Variants in STOX1 observed in about 807,000 individuals in gnomAD.
STOX1 encodes storkhead-box protein 1.
A neutral mutation model predicts 74.8 loss-of-function variants in STOX1; 57 were observed. That is an observed-to-expected ratio of 0.76 (90% CI 0.62 to 0.95). STOX1 has a LOEUF of 0.95. Among genes scored for constraint, STOX1 ranks in the 40% least tolerant of loss-of-function variants. STOX1 has a pLI of 0.00. For synonymous variants in STOX1, 375 were observed against 401.3 expected, an observed-to-expected ratio of 0.93 and a Z score of 0.78; for missense variants, 1,010 against 1,117.0, an observed-to-expected ratio of 0.90 and a Z score of 1.37.
At position 68,880,839 on chromosome 10, in the gene STOX1, G is replaced by A. The variant is rs1840800288; in HGVS notation, c.311-1119G>A. ...CTCCTGAGTAGCTGGGATTACAGGA[G>A]CCCGCCACCGTGTCCGGCTAATTTT... On this transcript the variant is annotated intron_variant, in intron 1 of 3. Transcript: ENST00000298596. Among the ~76,000 whole-genome samples the A allele has an allele frequency of 2.0e-5, 3 of 152,010 alleles. No homozygotes were observed. In the South Asian group the frequency reaches 6.2e-4, roughly 32 times the overall value.
chr10:68,849,841 A>G (rs2133532898), intron 1 of STOX1, among the ~76,000 whole-genome samples: 1 of 152,340 alleles, frequency 6.6e-6, no homozygotes, highest in East Asian at 1.9e-4. Flanking sequence ...TTTTTATCAC[A>G]GCATTTTTCC....
intron 1 of STOX1, among the ~76,000 whole-genome samples, chr10:68,862,428 C>CA (rs1840286084): frequency 6.6e-6 from 1 of 151,956 alleles, no homozygotes; most frequent in Non-Finnish European, 1.5e-5. Context: ...TGCCCATTAC[C>CA]AACAGAAAAG....
At chr10:68,844,463 A>G (rs1363203752) in intron 1 of STOX1, among the ~76,000 whole-genome samples, 2 of 151,618 alleles carry the variant, frequency 1.3e-5, no homozygotes, top group East Asian at 3.9e-4. Flanking sequence ...TACACCCAGC[A>G]CATTTTTGTA....
chr10:68,859,856 T>C (rs564732282), intron 1 of STOX1, among the ~76,000 whole-genome samples: 3 of 152,114 alleles, frequency 2.0e-5, no homozygotes, highest in Admixed American at 6.5e-5. Context: ...GATGATCTTT[T>C]GACATCATGC....
At chr10:68,843,946 C>T (rs892315498) in intron 1 of STOX1, among the ~76,000 whole-genome samples, 10 of 151,944 alleles carry the variant, frequency 6.6e-5, no homozygotes, top group African/African-American at 2.2e-4. Context: ...TTTGGGAGGC[C>T]GAGGCGGGTG....
intron 1 of STOX1, among the ~76,000 whole-genome samples, chr10:68,861,715 T>C (rs1458297740): frequency 6.6e-6 from 1 of 152,096 alleles, no homozygotes; most frequent in Admixed American, 6.5e-5. Flanking sequence ...TCCAAGTGTT[T>C]TTATCCATTT....
chr10:68,894,210 C>T (rs531920537), downstream of STOX1, among the ~76,000 whole-genome samples: 166 of 152,106 alleles, frequency 1.1e-3, 1 homozygote, highest in African/African-American at 4.0e-3. Flanking sequence ...CAGGTGTGCA[C>T]CACCACACCC....
chr10:68,863,956 G>C (rs894732255), intron 1 of STOX1, among the ~76,000 whole-genome samples: 5 of 139,340 alleles, frequency 3.6e-5, no homozygotes, highest in Admixed American at 2.3e-4. Flanking sequence ...ACAAAGTCTC[G>C]CTCTCTCACC....
At position 68,886,018 on chromosome 10, in the gene STOX1, A is replaced by G. The variant is rs750415201; in HGVS notation, c.2222A>G (p.Asp741Gly). ...AGTTCATTATATCTAGAGGAGGATG[A>G]CATTTCTGAGAATGACGACTTACGT... is the stretch of plus-strand genomic sequence containing the variant. Reference protein sequence around the residue: ...ACSSLYLEEDDISENDDLRQM... With the variant: ...ACSSLYLEEDGISENDDLRQM... Residue 741 changes from aspartate to glycine, a missense_variant, in exon 3 of 4, where the codon GAC (aspartate) becomes GGC (glycine). Asp to Gly is a moderately conservative substitution (Grantham distance 94, BLOSUM62 -1). Coordinates refer to ENST00000298596, the MANE Select transcript of STOX1 (RefSeq NM_152709.5). 1 of 1,614,090 alleles carries G rather than the reference A, an allele frequency of 6.2e-7. No homozygotes were observed. Among genetic ancestry groups the G allele is most frequent in the Non-Finnish European group, 8.5e-7 (1 of 1,180,032 alleles).
intron 1 of STOX1, among the ~76,000 whole-genome samples, chr10:68,875,223 C>T (rs1173575177): frequency 6.6e-6 from 1 of 152,222 alleles, no homozygotes. Context: ...GGGGGAAAAT[C>T]ACTTCACTGG....
At chr10:68,843,582 C>A (rs1839749656) in intron 1 of STOX1, among the ~76,000 whole-genome samples, 1 of 151,858 alleles carries the variant, frequency 6.6e-6, no homozygotes, top group Admixed American at 6.6e-5. Flanking sequence ...CTCTTGTTGC[C>A]CTGGCTGGAG....
chr10:68,828,842 T>C (rs1404726559), intron 1 of STOX1: 1 of 356,340 alleles, frequency 2.8e-6, no homozygotes, highest in Non-Finnish European at 3.9e-6. Context: ...TTTAGCTGAA[T>C]AGACAGGATT....
Position 68,886,279 on chromosome 10 carries a change from C to T in STOX1, c.2483C>T (p.Ala828Val). 1 of 1,614,122 alleles carries T rather than the reference C, an allele frequency of 6.2e-7. No individual in the cohort carries two copies. The highest frequency in any genetic ancestry group is 2.2e-5 in the East Asian group (1 of 44,870). The change falls in exon 3 of 4, where the codon GCC becomes GTC. Residue 828 changes from alanine to valine, a missense_variant. Physicochemically the swap from Ala to Val is moderately conservative, Grantham distance 64. Coordinates refer to ENST00000298596, the MANE Select transcript of STOX1 (RefSeq NM_152709.5). The part of the protein sequence containing the change: ...SAESCGLNSG[A>V]QFGFNYEEEP... ...GAAAGTTGTGGCCTAAATTCAGGGG[C>T]CCAGTTTGGTTTTAACTACGAAGAA...
chr10:68,856,402 G>C (rs936906428), intron 1 of STOX1, among the ~76,000 whole-genome samples: 2 of 151,970 alleles, frequency 1.3e-5, no homozygotes, highest in African/African-American at 4.8e-5. Flanking sequence ...CCTTCTCCCC[G>C]TTTGGACCCT....
At chr10:68,852,863 G>A (rs899497982) in intron 1 of STOX1, among the ~76,000 whole-genome samples, 1 of 151,978 alleles carries the variant, frequency 6.6e-6, no homozygotes, top group Non-Finnish European at 1.5e-5. Context: ...CTTGTCATAG[G>A]GAAGCCTTAC....
intron 1 of STOX1, among the ~76,000 whole-genome samples, chr10:68,842,896 C>G (rs948107289): frequency 6.6e-6 from 1 of 152,064 alleles, no homozygotes; most frequent in Non-Finnish European, 1.5e-5. Flanking sequence ...TTGTGAAATT[C>G]TTTGTAAACC....
chr10:68,880,209 G>A (rs991801720), intron 1 of STOX1, among the ~76,000 whole-genome samples: 19 of 147,820 alleles, frequency 1.3e-4, no homozygotes, highest in African/African-American at 4.5e-4. Context: ...CTTAGAGACA[G>A]GGTCTCACCC....
intron 3 of STOX1, among the ~76,000 whole-genome samples, chr10:68,889,520 T>C (rs1050170421): frequency 1.3e-5 from 2 of 152,178 alleles, no homozygotes; most frequent in Admixed American, 6.5e-5. Flanking sequence ...ATGTAACTTA[T>C]GTATATCCTG....
intron 1 of STOX1, among the ~76,000 whole-genome samples, chr10:68,835,119 G>A (rs1839511168): frequency 6.6e-6 from 1 of 152,110 alleles, no homozygotes; most frequent in Admixed American, 6.6e-5. Flanking sequence ...TCGGCTCACT[G>A]TAGCCTCCAC....
Sources: allele counts gnomAD v4.1 joint callset (sites outside exome capture counted in the v4.1 genomes callset), GRCh38; gene constraint gnomAD v4.1.1; transcripts MANE v1.5; gene names NCBI Gene and HGNC (gene_info 2026-07-23, HGNC 2026-07-21).